The following SOAT1 variants were observed in gnomAD, a reference collection of about 807,000 sequenced individuals.
The protein encoded by SOAT1 is sterol O-acyltransferase 1, also known as acyl-coenzyme A:cholesterol acyltransferase 1.
A neutral mutation model predicts 69.5 loss-of-function variants in SOAT1; 55 were observed. The observed-to-expected ratio is 0.79, with a 90% CI of 0.64 to 0.99. SOAT1 has a LOEUF of 0.99. Among genes scored for constraint, SOAT1 ranks in the 50% least tolerant of loss-of-function variants. The pLI, the probability that SOAT1 is intolerant of heterozygous loss-of-function variation, is 0.00. For synonymous variants in SOAT1, 231 were observed against 224.7 expected, an observed-to-expected ratio of 1.03 and a Z score of -0.25; for missense variants, 580 against 669.3, an observed-to-expected ratio of 0.87 and a Z score of 1.47.
intron 2 of SOAT1, among the ~76,000 whole-genome samples, chr1:179,307,100 A>G (rs1039977370): frequency 6.6e-6 from 1 of 152,198 alleles, no homozygotes; most frequent in Admixed American, 6.6e-5. Context: ...TGCAGTTGGC[A>G]GTTGTGAGTG....
intron 10 of SOAT1, among the ~76,000 whole-genome samples, chr1:179,344,532 G>A (rs756546064): frequency 1.1e-4 from 17 of 151,734 alleles, no homozygotes; most frequent in Non-Finnish European, 2.4e-4. Context: ...CCACCACTGC[G>A]CCTGGCTAAT....
chr1:179,329,578 G>A (rs1051248591), intron 3 of SOAT1, among the ~76,000 whole-genome samples: 3 of 151,760 alleles, frequency 2.0e-5, no homozygotes, highest in African/African-American at 2.4e-5. Flanking sequence ...AAAATTAGGC[G>A]GGTCTGGTGG....
intron 3 of SOAT1, among the ~76,000 whole-genome samples, chr1:179,334,499 T>C (rs1666078326): frequency 6.6e-6 from 1 of 152,122 alleles, no homozygotes; most frequent in Non-Finnish European, 1.5e-5. Flanking sequence ...TCAAGAACTT[T>C]GTGAAATTGT....
intron 6 of SOAT1, among the ~76,000 whole-genome samples, 191 bp from the exon 7 acceptor site, chr1:179,340,836 TA>T (rs1666309287): frequency 6.6e-6 from 1 of 151,534 alleles, no homozygotes; most frequent in Non-Finnish European, 1.5e-5. Flanking sequence ...TATATATATA[TA>T]TATATTGTAA....
chr1:179,299,743 A>ATTTT (rs1558034403), intron 1 of SOAT1, among the ~76,000 whole-genome samples: 19 of 64,732 alleles, frequency 2.9e-4, no homozygotes, highest in African/African-American at 6.1e-4. Flanking sequence ...TCATTTTGCT[A>ATTTT]TCTTTTTTTT....
chr1:179,315,810 C>G (rs567585834), intron 2 of SOAT1, among the ~76,000 whole-genome samples: 45 of 152,266 alleles, frequency 3.0e-4, no homozygotes, highest in African/African-American at 1.0e-3. Context: ...GAGAATTAAT[C>G]TTTTACAGTC....
rs1316359214 is a variant in SOAT1, at chr1:179,341,313, A to G, written c.780+3A>G. The G allele has an allele frequency of 1.2e-6, 2 of 1,613,442 alleles. No homozygotes were observed. Among genetic ancestry groups the G allele is most frequent in the Non-Finnish European group, 1.7e-6 (2 of 1,179,692 alleles). Reference sequence around the variant, plus strand: ...GGTTCATCATTATATTCGAGCAGGTAAGGTTTTAAGTGTTACCCAAGGCGA... The same window carrying G: ...GGTTCATCATTATATTCGAGCAGGTGAGGTTTTAAGTGTTACCCAAGGCGA... On this transcript the variant is annotated splice_donor_region_variant and intron_variant, in intron 7 of 15. Transcript: ENST00000367619.
chr1:179,323,387 T>C lies in SOAT1; in HGVS notation c.119-50T>C, dbSNP rs548034076. On this transcript the variant is annotated intron_variant, in intron 2 of 15. Coordinates refer to ENST00000367619, the MANE Select transcript of SOAT1 (RefSeq NM_003101.6). ...AACTTTATGATTTAGACAGTGCTAC[T>C]AGGTAGCTGTATCCATCAACTTAAA... 4 of 1,460,886 alleles carry C rather than the reference T, an allele frequency of 2.7e-6. No individual in the cohort carries two copies. In the South Asian group the frequency reaches 4.7e-5, roughly 17 times the overall value. 90.5% of individuals were successfully genotyped at this position (1,460,886 alleles called of 1,614,324 possible). A position where few individuals can be genotyped will look rare whatever the true frequency, so the allele number is the denominator to read the frequency against.
Position 179,302,801 on chromosome 1 carries a change from T to G in SOAT1, c.117T>G (p.Asn39Lys). Residue 39 changes from asparagine to lysine, a missense_variant and splice_region_variant, in exon 2 of 16, where the codon AAT (asparagine) becomes AAG (lysine). Asn to Lys is a moderately conservative substitution (Grantham distance 94, BLOSUM62 0). Coordinates refer to ENST00000367619, the MANE Select transcript of SOAT1 (RefSeq NM_003101.6). ...AGGAGTCCCTAGAGACACCTAGTAA[T>G]GGTGAGGCTTAATTTTTTTTTTTTA... ...PAKESLETPSNGRIDIKQLIA... is the reference protein window; with the variant it reads ...PAKESLETPSKGRIDIKQLIA... 6.5e-7 allele frequency: 1 copy of G among 1,550,042 alleles called. No homozygotes were observed. The highest frequency in any genetic ancestry group is 1.4e-5 in the African/African-American group (1 of 71,692).
At chr1:179,320,327 T>C (rs1350050457) in intron 2 of SOAT1, among the ~76,000 whole-genome samples, 5 of 152,150 alleles carry the variant, frequency 3.3e-5, no homozygotes, top group African/African-American at 1.2e-4. Flanking sequence ...TTTTCGAAAA[T>C]CAATTATTAA....
intron 2 of SOAT1, among the ~76,000 whole-genome samples, chr1:179,314,499 G>A (rs1180795600): frequency 6.6e-6 from 1 of 152,122 alleles, no homozygotes; most frequent in Non-Finnish European, 1.5e-5. Context: ...CCACATTTCC[G>A]TTTTTGCTAA....
Position 179,342,133 on chromosome 1 carries a change from C to G in SOAT1, c.800C>G (p.Ala267Gly), listed in dbSNP as rs1487511380. The change falls in exon 8 of 16, where the codon GCC becomes GGC. Residue 267 changes from alanine to glycine, a missense_variant. By Grantham distance (60) the Ala-to-Gly change is moderately conservative. Coordinates refer to ENST00000367619, the MANE Select transcript of SOAT1 (RefSeq NM_003101.6). ...TTGTAGATTCGTTTTGTAATGAAGGCCCACTCATTTGTCAGAGAGAACGTG... is the reference window on the plus strand; with the variant it reads ...TTGTAGATTCGTTTTGTAATGAAGGGCCACTCATTTGTCAGAGAGAACGTG... ...IFEQIRFVMKAHSFVRENVPR... is the reference protein window; with the variant it reads ...IFEQIRFVMKGHSFVRENVPR... 6.2e-7 allele frequency: 1 copy of G among 1,613,412 alleles called. No homozygotes were observed. Among genetic ancestry groups the G allele is most frequent in the South Asian group, 1.1e-5 (1 of 91,044 alleles).
Position 179,355,095 on chromosome 1 carries a change from T to G in SOAT1, c.*1454T>G, listed in dbSNP as rs1666865452. 6.6e-6 allele frequency: 1 copy of G among 152,170 alleles called. No individual in the cohort carries two copies. Among genetic ancestry groups the G allele is most frequent in the South Asian group, 2.1e-4 (1 of 4,832 alleles). 9.4% of individuals were successfully genotyped at this position (152,170 alleles called of 1,614,324 possible). A position where few individuals can be genotyped will look rare whatever the true frequency, so the allele number is the denominator to read the frequency against. ...TTACTCACGATACCACTGGTCCAGA[T>G]GAGTTTAGGTAATTTTCAAACATTA... On this transcript the variant is annotated 3_prime_UTR_variant, in exon 16 of 16. Coordinates refer to ENST00000367619, the MANE Select transcript of SOAT1 (RefSeq NM_003101.6).
intron 2 of SOAT1, among the ~76,000 whole-genome samples, chr1:179,303,087 G>T: frequency 6.6e-6 from 1 of 152,278 alleles, no homozygotes; most frequent in East Asian, 1.9e-4. Context: ...GCAGTGATCA[G>T]TACGGATTTG....
At chr1:179,342,296 C>T in intron 8 of SOAT1, 104 bp downstream of exon 8, 1 of 653,624 alleles carries the variant, frequency 1.5e-6, no homozygotes, top group South Asian at 2.2e-5. Flanking sequence ...TCCTTCCCTC[C>T]CTCCCTCTCT....
chr1:179,298,596 A>C (rs1032084794), intron 1 of SOAT1, among the ~76,000 whole-genome samples: 7 of 152,304 alleles, frequency 4.6e-5, no homozygotes, highest in Admixed American at 6.5e-5. Context: ...CCTCCTGAGT[A>C]GATGGGATTA....
intron 7 of SOAT1, 127 bp downstream of exon 7, chr1:179,341,437 G>T: frequency 2.1e-6 from 2 of 936,396 alleles, no homozygotes; most frequent in South Asian, 1.8e-5. Context: ...TTGTTCTTTT[G>T]CCATTATCTG....
chr1:179,313,794 G>C (rs1016656867), intron 2 of SOAT1, among the ~76,000 whole-genome samples: 1 of 152,102 alleles, frequency 6.6e-6, no homozygotes, highest in Non-Finnish European at 1.5e-5. Flanking sequence ...ATGTTGGTCA[G>C]GCTGGTCTCG....
At chr1:179,294,605 C>T (rs1664565902) in intron 1 of SOAT1, among the ~76,000 whole-genome samples, 1 of 152,216 alleles carries the variant, frequency 6.6e-6, no homozygotes, top group Non-Finnish European at 1.5e-5. Flanking sequence ...AATCTCGGCT[C>T]ACTGCAACCT....
Sources: allele counts gnomAD v4.1 joint callset (sites outside exome capture counted in the v4.1 genomes callset), GRCh38; gene constraint gnomAD v4.1.1; transcripts MANE v1.5; gene names NCBI Gene and HGNC (gene_info 2026-07-23, HGNC 2026-07-21).